The following P2RY14 variants were observed in gnomAD, a reference collection of about 807,000 sequenced individuals.
P2RY14 encodes P2Y purinoceptor 14.
A neutral mutation model predicts 0.9 loss-of-function variants in P2RY14; 2 were observed. The ratio of observed to expected loss-of-function variants is 2.16; its 90% CI spans 0.88 to 6.79. P2RY14 has a LOEUF of 6.79. P2RY14 is among the 30% of genes most tolerant of loss of function. The probability of loss-of-function intolerance (pLI) is 0.05; values close to 1 mark genes in which losing one functional copy is unlikely to be tolerated. For synonymous variants in P2RY14, 158 were observed against 147.2 expected (o/e 1.07, Z -0.53); for missense variants, 378 against 400.1 (o/e 0.94, Z 0.47).
chr3:151,263,058 T>C (rs570635070), intron 1 of P2RY14, among the ~76,000 whole-genome samples: 60 of 151,970 alleles, frequency 3.9e-4, no homozygotes, highest in Non-Finnish European at 7.4e-4. Context: ...TGGGGTGGCG[T>C]TGGGGAAGAG....
chr3:151,220,851 A>T (rs1382824629), intron 1 of P2RY14, among the ~76,000 whole-genome samples: 2 of 152,232 alleles, frequency 1.3e-5, no homozygotes, highest in African/African-American at 4.8e-5. Context: ...CACATTGCTG[A>T]AAAGGTATCT....
Position 151,213,211 on chromosome 3 carries a change from T to G in P2RY14, c.*89A>C. On this transcript the variant is annotated 3_prime_UTR_variant, in exon 3 of 3. Coordinates refer to ENST00000309170, the MANE Select transcript of P2RY14 (RefSeq NM_014879.4). The stretch of plus-strand genomic sequence containing the variant: ...ATGGCAGTGCTAGAGATGATATTTA[T>G]GATGAGGGCACATATCTTATTGATT... 1.0e-6 allele frequency: 1 copy of G among 988,632 alleles called. No homozygotes were observed. Among genetic ancestry groups the G allele is most frequent in the Non-Finnish European group, 1.5e-6 (1 of 663,322 alleles). 61.2% of individuals were successfully genotyped at this position (988,632 alleles called of 1,614,324 possible). A position where few individuals can be genotyped will look rare whatever the true frequency, so the allele number is the denominator to read the frequency against.
At chr3:151,232,880 A>G (rs1381142036) in intron 1 of P2RY14, among the ~76,000 whole-genome samples, 2 of 152,220 alleles carry the variant, frequency 1.3e-5, no homozygotes, top group African/African-American at 4.8e-5. Context: ...TCCCTGTGGC[A>G]TGAGTTTACC....
intron 1 of P2RY14, among the ~76,000 whole-genome samples, chr3:151,268,876 C>T (rs921566144): frequency 2.6e-5 from 4 of 152,230 alleles, no homozygotes; most frequent in South Asian, 2.1e-4. Flanking sequence ...TCCCAACCTT[C>T]GGTTGGTTTT....
At chr3:151,277,204 T>G (rs907335813) in intron 1 of P2RY14, among the ~76,000 whole-genome samples, 5 of 150,796 alleles carry the variant, frequency 3.3e-5, no homozygotes, top group Non-Finnish European at 7.4e-5. Context: ...ATGCCTGGCC[T>G]CCTTGTTTTT....
intron 1 of P2RY14, among the ~76,000 whole-genome samples, chr3:151,243,772 A>C (rs1422635617): frequency 6.6e-6 from 1 of 151,818 alleles, no homozygotes; most frequent in African/African-American, 2.4e-5. Context: ...AACAATATTA[A>C]CTTTAAATGT....
chr3:151,219,360 A>G (rs1728870994), intron 2 of P2RY14, among the ~76,000 whole-genome samples, 175 bp downstream of exon 2: 1 of 152,214 alleles, frequency 6.6e-6, no homozygotes, highest in Admixed American at 6.5e-5. Context: ...CTCTGAGTTC[A>G]TTACTCATCT....
At chr3:151,255,752 T>C (rs1316462954) in intron 1 of P2RY14, among the ~76,000 whole-genome samples, 1 of 152,186 alleles carries the variant, frequency 6.6e-6, no homozygotes, top group Non-Finnish European at 1.5e-5. Flanking sequence ...AGATTAATTG[T>C]GATTCTTTGC....
At chr3:151,247,331 T>C (rs370983058) in intron 1 of P2RY14, among the ~76,000 whole-genome samples, 1 of 152,018 alleles carries the variant, frequency 6.6e-6, no homozygotes, top group South Asian at 2.1e-4. Context: ...TATTGTGGCA[T>C]TATTCACAAT....
At chr3:151,231,366 AG>A (rs1348529783) in intron 1 of P2RY14, among the ~76,000 whole-genome samples, 1 of 152,230 alleles carries the variant, frequency 6.6e-6, no homozygotes, top group Non-Finnish European at 1.5e-5. Flanking sequence ...CCCATCATTT[AG>A]AGTAATAAAA....
intron 1 of P2RY14, among the ~76,000 whole-genome samples, chr3:151,221,055 C>G (rs1729242956): frequency 6.6e-6 from 1 of 152,128 alleles, no homozygotes; most frequent in Non-Finnish European, 1.5e-5. Flanking sequence ...AAATGAGGAA[C>G]TTGTTGGGAA....
chr3:151,271,132 A>G (rs1740868592), intron 1 of P2RY14, among the ~76,000 whole-genome samples: 1 of 152,196 alleles, frequency 6.6e-6, no homozygotes, highest in Non-Finnish European at 1.5e-5. Context: ...TCTCTGTTAA[A>G]GGCTCAGACT....
intron 1 of P2RY14, among the ~76,000 whole-genome samples, chr3:151,220,840 G>C (rs9871624): frequency 0.23 from 35,725 of 152,136 alleles, 4,902 homozygotes; most frequent in African/African-American, 0.38. Context: ...CAGTAGAGTG[G>C]CACATTGCTG....
At chr3:151,248,699 C>T (rs1050597260) in intron 1 of P2RY14, among the ~76,000 whole-genome samples, 1 of 152,084 alleles carries the variant, frequency 6.6e-6, no homozygotes, top group Non-Finnish European at 1.5e-5. Flanking sequence ...TTTAACTAGA[C>T]TTGGTTTATT....
chr3:151,219,305 T>C (rs1402946864), intron 2 of P2RY14, among the ~76,000 whole-genome samples: 1 of 152,226 alleles, frequency 6.6e-6, no homozygotes, highest in Non-Finnish European at 1.5e-5. Context: ...AAAGCATTGC[T>C]CACTCCAGAA....
At chr3:151,224,842 C>T (rs1182430329) in intron 1 of P2RY14, among the ~76,000 whole-genome samples, 1 of 152,140 alleles carries the variant, frequency 6.6e-6, no homozygotes, top group Non-Finnish European at 1.5e-5. Context: ...TTGAAATCTG[C>T]TGTTTATATA....
chr3:151,231,372 A>C (rs949700981), intron 1 of P2RY14, among the ~76,000 whole-genome samples: 2 of 152,230 alleles, frequency 1.3e-5, no homozygotes, highest in African/African-American at 4.8e-5. Flanking sequence ...ATTTAGAGTA[A>C]TAAAAAGTAT....
intron 1 of P2RY14, among the ~76,000 whole-genome samples, chr3:151,228,263 C>T (rs1730943926): frequency 6.6e-6 from 1 of 151,934 alleles, no homozygotes; most frequent in Non-Finnish European, 1.5e-5. Flanking sequence ...TAATTATTAA[C>T]TGCCTTTGTG....
At chr3:151,231,026 C>T (rs749783548) in intron 1 of P2RY14, among the ~76,000 whole-genome samples, 9 of 152,034 alleles carry the variant, frequency 5.9e-5, no homozygotes, top group Non-Finnish European at 7.4e-5. Context: ...ACACAGAAGC[C>T]GACTTGAGGG....
Sources: allele counts gnomAD v4.1 joint callset (sites outside exome capture counted in the v4.1 genomes callset), GRCh38; gene constraint gnomAD v4.1.1; transcripts MANE v1.5; gene names NCBI Gene and HGNC (gene_info 2026-07-23, HGNC 2026-07-21).